Variants in TBL1X observed in about 807,000 individuals in gnomAD.
The protein encoded by TBL1X is transducin beta like 1 X-linked.
TBL1X carries 10 observed loss-of-function variants against 50.7 expected under a neutral mutation model. That is an observed-to-expected ratio of 0.20 (90% CI 0.12 to 0.33). TBL1X has a LOEUF of 0.33. TBL1X is among the 10% of genes least tolerant of loss of function. The pLI is 1.00. For synonymous variants in TBL1X, 190 were observed against 214.7 expected, an observed-to-expected ratio of 0.88 and a Z score of 1.01; for missense variants, 340 against 504.4, an observed-to-expected ratio of 0.67 and a Z score of 3.12.
At chrX:9,477,878 TA>T (rs1289612368) in intron 1 of TBL1X, among the ~76,000 whole-genome samples, 2 of 111,875 alleles carry the variant, frequency 1.8e-5, no homozygotes, top group Admixed American at 9.5e-5. Flanking sequence ...TTCGTGTCTC[TA>T]TAGATTCCCC....
chrX:9,498,071 G>A (rs1318327046), intron 1 of TBL1X, among the ~76,000 whole-genome samples: 2 of 109,795 alleles, frequency 1.8e-5, no homozygotes, highest in African/African-American at 3.3e-5. Flanking sequence ...CCCAGCTAAC[G>A]CGCTTTTAAA....
chrX:9,641,344 A>T (rs2082774889), intron 3 of TBL1X, among the ~76,000 whole-genome samples: 1 of 112,081 alleles, frequency 8.9e-6, no homozygotes, highest in Admixed American at 9.5e-5. Context: ...TGTAAAAGTT[A>T]TCTTACTACC....
intron 5 of TBL1X, among the ~76,000 whole-genome samples, chrX:9,658,493 T>A (rs1409515659): frequency 9.0e-6 from 1 of 111,055 alleles, no homozygotes; most frequent in Non-Finnish European, 1.9e-5. Flanking sequence ...CGCATATTTC[T>A]GAATACAGCC....
intron 2 of TBL1X, among the ~76,000 whole-genome samples, chrX:9,520,157 G>A (rs1237772390): frequency 3.6e-5 from 4 of 111,764 alleles, no homozygotes; most frequent in Non-Finnish European, 7.5e-5. Context: ...TCCTCTCCCC[G>A]CACCTTCCTT....
At position 9,576,716 on chromosome X, in the gene TBL1X, A is replaced by C. The variant is rs745880661; in HGVS notation, c.-130-63557A>C. On this transcript the variant is annotated intron_variant, in intron 2 of 17. Coordinates refer to ENST00000645353, the MANE Select transcript of TBL1X (RefSeq NM_005647.4). ...ACATTAAAAAAAAAAAAAAAAAAAA[A>C]CATCGGACGTGGTGGGTCACACCTG... Among the ~76,000 whole-genome samples the C allele has an allele frequency of 3.1e-3, 329 of 106,441 alleles. 2 individuals carry two copies. The highest frequency in any genetic ancestry group is 0.011 in the African/African-American group (316 of 29,176). The allele number at this position is 106,441 out of a possible 115,157, so 92.4% of individuals were successfully genotyped here.
chrX:9,656,601 G>A (rs2082866377), intron 5 of TBL1X, among the ~76,000 whole-genome samples: 1 of 112,965 alleles, frequency 8.9e-6, no homozygotes, highest in African/African-American at 3.2e-5. Context: ...CTTGGCAAAT[G>A]TCAACTTTGT....
intron 12 of TBL1X, among the ~76,000 whole-genome samples, chrX:9,704,609 G>T (rs1189231656): frequency 8.9e-6 from 1 of 111,905 alleles, no homozygotes; most frequent in Non-Finnish European, 1.9e-5. Flanking sequence ...TCTTGGCTGG[G>T]TGCAATGGCT....
At chrX:9,650,906 AT>A (rs2082830047) in intron 3 of TBL1X, among the ~76,000 whole-genome samples, 1 of 110,322 alleles carries the variant, frequency 9.1e-6, no homozygotes, top group South Asian at 3.7e-4. Context: ...TTCAAAATTA[AT>A]TTCAAAATTC....
rs1215330230 is a variant in TBL1X, at chrX:9,716,761, C to G, written c.*515C>G. On this transcript the variant is annotated 3_prime_UTR_variant, in exon 18 of 18. Transcript: ENST00000645353. ...CCGATGAAACGCGCAACTTTGTAAT[C>G]CCAACACTTTCTATTTTCTAGAATC... The G allele has an allele frequency of 9.0e-6, 1 of 111,113 alleles. No homozygotes were observed. Among genetic ancestry groups the G allele is most frequent in the Non-Finnish European group, 1.9e-5 (1 of 53,159 alleles). The allele number at this position is 111,113 out of a possible 1,213,427, so 9.2% of individuals were successfully genotyped here.
chrX:9,475,950 A>G (rs762009811), intron 1 of TBL1X, among the ~76,000 whole-genome samples: 3 of 112,475 alleles, frequency 2.7e-5, no homozygotes, highest in African/African-American at 9.7e-5. Flanking sequence ...GCCTGCCAGG[A>G]GCAGTACTTG....
chrX:9,689,092 TTGTG>T (rs775310640), intron 7 of TBL1X, among the ~76,000 whole-genome samples: 2 of 113,394 alleles, frequency 1.8e-5, no homozygotes, highest in African/African-American at 3.2e-5. Flanking sequence ...GTGCACAAGT[TTGTG>T]TGCGTGTGTG....
At chrX:9,684,335 A>T in intron 6 of TBL1X, 147 bp downstream of exon 6, 1 of 861,830 alleles carries the variant, frequency 1.2e-6, no homozygotes, top group East Asian at 3.4e-5. Flanking sequence ...CTGTAATCCC[A>T]GGACTTTGGG....
At position 9,710,634 on chromosome X, in the gene TBL1X, A is replaced by G. The variant is rs917809025; in HGVS notation, c.1439+874A>G. 5.3e-5 allele frequency among the ~76,000 whole-genome samples: 6 copies of G among 112,672 alleles called. No homozygotes were observed. The East Asian group carries it at 1.1e-3, about 21-fold the overall frequency. On this transcript the variant is annotated intron_variant, in intron 15 of 17. Transcript: ENST00000645353. Reference sequence around the variant, plus strand: ...CTGTTGAAAGAAAGCAAGCCAGACAATAGCTTTGTGATAGATATTACTGTT... The same window carrying G: ...CTGTTGAAAGAAAGCAAGCCAGACAGTAGCTTTGTGATAGATATTACTGTT...
intron 2 of TBL1X, among the ~76,000 whole-genome samples, chrX:9,587,164 C>G (rs951538661): frequency 3.6e-5 from 4 of 112,212 alleles, no homozygotes; most frequent in Admixed American, 9.4e-5. Flanking sequence ...GAGGCCTCAT[C>G]CCTGAGCAGG....
intron 1 of TBL1X, among the ~76,000 whole-genome samples, chrX:9,470,959 C>T (rs918266551): frequency 1.8e-5 from 2 of 112,128 alleles, no homozygotes; most frequent in Admixed American, 9.5e-5. Flanking sequence ...GAGGATGTTA[C>T]CCTCACCTTT....
At chrX:9,480,733 C>A (rs2146932117) in intron 1 of TBL1X, among the ~76,000 whole-genome samples, 1 of 102,277 alleles carries the variant, frequency 9.8e-6, no homozygotes, top group East Asian at 3.2e-4. Context: ...CAAAACTTTC[C>A]AAAGTCAAAA....
chrX:9,713,851 C>T (rs1040562754), intron 16 of TBL1X, among the ~76,000 whole-genome samples: 2 of 110,804 alleles, frequency 1.8e-5, no homozygotes, highest in African/African-American at 6.6e-5. Context: ...GAACACCACC[C>T]TTTAAGGGGC....
At chrX:9,533,367 C>T (rs1313515209) in intron 2 of TBL1X, among the ~76,000 whole-genome samples, 1 of 111,609 alleles carries the variant, frequency 9.0e-6, no homozygotes, top group Non-Finnish European at 1.9e-5. Flanking sequence ...CTCCCCCTCC[C>T]CACTTTTTCA....
At chrX:9,706,913 A>G (rs112522651) in intron 13 of TBL1X, among the ~76,000 whole-genome samples, 1,576 of 111,265 alleles carry the variant, frequency 0.014, 28 homozygotes, top group African/African-American at 0.048. Context: ...CTCCAGGCCC[A>G]TTCACGTATC....
Sources: gnomAD v4.1 joint callset for allele counts (sites outside exome capture counted in the v4.1 genomes callset) on GRCh38, gnomAD v4.1.1 for gene constraint, MANE v1.5 for transcripts, NCBI Gene and HGNC (gene_info 2026-07-23, HGNC 2026-07-21) for gene names.